The following DIPK2B variants were observed in gnomAD, a reference collection of about 807,000 sequenced individuals.
The protein encoded by DIPK2B is UPF0672 protein CXorf36.
A neutral mutation model predicts 22.2 loss-of-function variants in DIPK2B; 15 were observed. The observed-to-expected ratio is 0.68, with a 90% confidence interval of 0.45 to 1.04. DIPK2B has a LOEUF of 1.04. Among genes scored for constraint, DIPK2B ranks in the 50% least tolerant of loss-of-function variants. The pLI is 0.00. For missense variants in DIPK2B, 345 were observed against 348.3 expected (o/e 0.99, Z 0.08); for synonymous variants, 163 against 153.2 (o/e 1.06, Z -0.47).
intron 2 of DIPK2B, among the ~76,000 whole-genome samples, chrX:45,159,148 G>A (rs757654264): frequency 9.9e-5 from 11 of 110,587 alleles, no homozygotes; most frequent in Non-Finnish European, 1.9e-4. Context: ...AGCAGGGGGC[G>A]GGGGTGGGGA....
intron 2 of DIPK2B, among the ~76,000 whole-genome samples, chrX:45,159,759 A>G (rs1406049167): frequency 8.9e-6 from 1 of 111,941 alleles, no homozygotes; most frequent in Non-Finnish European, 1.9e-5. Context: ...GGCCCTTAGT[A>G]CCCTTGCTTT....
At chrX:45,160,127 A>G (rs2047015197) in intron 2 of DIPK2B, among the ~76,000 whole-genome samples, 1 of 109,869 alleles carries the variant, frequency 9.1e-6, no homozygotes, top group Non-Finnish European at 1.9e-5. Flanking sequence ...AGGCCTCCCC[A>G]GCCATGCTTC....
intron 2 of DIPK2B, among the ~76,000 whole-genome samples, chrX:45,173,848 G>A (rs1320476457): frequency 9.0e-6 from 1 of 111,081 alleles, no homozygotes; most frequent in African/African-American, 3.3e-5. Context: ...TGGGATAACA[G>A]GTGTGAGCCA....
At chrX:45,175,051 G>A (rs192562468) in intron 2 of DIPK2B, among the ~76,000 whole-genome samples, 1 of 111,620 alleles carries the variant, frequency 9.0e-6, no homozygotes, top group East Asian at 2.8e-4. Context: ...GTAACCTTGG[G>A]CAACGTATAT....
chrX:45,180,492 G>A (rs1238754477), intron 2 of DIPK2B, among the ~76,000 whole-genome samples: 2 of 111,451 alleles, frequency 1.8e-5, no homozygotes, highest in East Asian at 5.6e-4. Flanking sequence ...GGAAGCCCTA[G>A]CCAGTACAAT....
At chrX:45,165,585 G>A (rs1351946741) in intron 2 of DIPK2B, among the ~76,000 whole-genome samples, 2 of 110,964 alleles carry the variant, frequency 1.8e-5, no homozygotes, top group East Asian at 5.7e-4. Flanking sequence ...TGCAACATGG[G>A]GTGACAAGAA....
In DIPK2B at chrX:45,151,826, G is replaced by T. The variant is rs773682717; in HGVS notation, c.1128C>A (p.Ser376=). ...LPRLLQGRFP[S]PVQDDIDSIL... Reference sequence around the variant, plus strand: ...TGGAGTCTATGTCGTCTTGCACTGGGGAGGGGAACCTCCCCTGGAGAAGTC... The same window carrying T: ...TGGAGTCTATGTCGTCTTGCACTGGTGAGGGGAACCTCCCCTGGAGAAGTC... The change falls in exon 5 of 5, where the codon TCC becomes TCA. Residue 376 remains serine, a synonymous_variant. Transcript: ENST00000398000. 3.3e-6 allele frequency: 4 copies of T among 1,210,521 alleles called. No homozygotes were observed. In the East Asian group the frequency reaches 1.2e-4, roughly 36 times the overall value.
intron 1 of DIPK2B, among the ~76,000 whole-genome samples, chrX:45,197,242 C>CTT (rs374897987): frequency 2.0e-4 from 20 of 100,049 alleles, no homozygotes; most frequent in African/African-American, 7.3e-4. Context: ...ATGGTAATCA[C>CTT]TTTTTTTTTT....
chrX:45,181,554 C>T (rs1603111315), intron 2 of DIPK2B, among the ~76,000 whole-genome samples: 1 of 111,731 alleles, frequency 9.0e-6, no homozygotes, highest in African/African-American at 3.3e-5. Flanking sequence ...CAGATTCACT[C>T]ATGTATAGTC....
At chrX:45,167,857 G>A (rs762978839) in intron 2 of DIPK2B, among the ~76,000 whole-genome samples, 1 of 111,982 alleles carries the variant, frequency 8.9e-6, no homozygotes, top group Admixed American at 9.4e-5. Flanking sequence ...GCTAAGTTTT[G>A]TATTTTTAGT....
At chrX:45,187,468 G>GCGCACACACACACA (rs1556403888) in intron 2 of DIPK2B, among the ~76,000 whole-genome samples, 1 of 98,478 alleles carries the variant, frequency 1.0e-5, no homozygotes, top group Non-Finnish European at 2.1e-5. Flanking sequence ...GCGCGCGCGC[G>GCGCACACACACACA]CACACACACA....
chrX:45,189,425 C>G (rs949573296), intron 2 of DIPK2B, among the ~76,000 whole-genome samples: 2 of 111,203 alleles, frequency 1.8e-5, no homozygotes, highest in African/African-American at 6.6e-5. Flanking sequence ...ACCAGCCTGG[C>G]CAATATGGTG....
intron 2 of DIPK2B, among the ~76,000 whole-genome samples, chrX:45,158,418 C>T (rs66740871): frequency 0.13 from 13,932 of 111,065 alleles, 785 homozygotes; most frequent in East Asian, 0.4. Flanking sequence ...TGATCCCAGG[C>T]TGAATTCATT....
chrX:45,190,827 C>T (rs1441607231), intron 2 of DIPK2B, among the ~76,000 whole-genome samples: 7 of 112,339 alleles, frequency 6.2e-5, no homozygotes, highest in Non-Finnish European at 1.3e-4. Context: ...TGGCAGGTTG[C>T]TTTGGACTTG....
chrX:45,153,480 G>A (rs1260691316), intron 4 of DIPK2B, among the ~76,000 whole-genome samples: 1 of 94,864 alleles, frequency 1.1e-5, no homozygotes, highest in East Asian at 3.2e-4. Flanking sequence ...AGTTTTGTGT[G>A]TGTGTGTGTG....
intron 1 of DIPK2B, 101 bp from the exon 2 acceptor site, chrX:45,192,116 T>A: frequency 1.1e-6 from 1 of 872,373 alleles, no homozygotes; most frequent in East Asian, 3.4e-5. Flanking sequence ...GATCCATTTC[T>A]CCTACTTAGA....
At chrX:45,180,171 C>T (rs773340558) in intron 2 of DIPK2B, among the ~76,000 whole-genome samples, 1 of 111,918 alleles carries the variant, frequency 8.9e-6, no homozygotes, top group South Asian at 3.7e-4. Context: ...ATTTCCAGGT[C>T]TTCATCATAT....
intron 2 of DIPK2B, chrX:45,163,597 G>A (rs1468130645): frequency 8.0e-6 from 6 of 752,569 alleles, no homozygotes; most frequent in Non-Finnish European, 9.4e-6. Flanking sequence ...CTCATTTAAA[G>A]AGTTCTTACC....
At chrX:45,168,545 T>C (rs2047061475) in intron 2 of DIPK2B, among the ~76,000 whole-genome samples, 5 of 112,394 alleles carry the variant, frequency 4.4e-5, no homozygotes, top group Non-Finnish European at 7.5e-5. Context: ...GCGGAGCTTC[T>C]TTTTGCTTAG....
Sources: allele counts gnomAD v4.1 joint callset (sites outside exome capture counted in the v4.1 genomes callset), GRCh38; gene constraint gnomAD v4.1.1; transcripts MANE v1.5; gene names NCBI Gene and HGNC (gene_info 2026-07-23, HGNC 2026-07-21).